Variants in NTM observed in about 807,000 individuals in gnomAD.
NTM encodes the protein IgLON family member 2.
In NTM, 13 loss-of-function variants were observed where a neutral mutation model predicts 42.1. The observed-to-expected ratio is 0.31, with a 90% CI of 0.20 to 0.49. The LOEUF (loss-of-function observed/expected upper bound fraction) is 0.49, where lower values mean the gene tolerates loss of function less well. Among genes scored for constraint, NTM ranks in the 20% least tolerant of loss-of-function variants. The probability of loss-of-function intolerance (pLI) is 0.99; values close to 1 mark genes in which losing one functional copy is unlikely to be tolerated. For synonymous variants in NTM, 187 were observed against 179.2 expected, an observed-to-expected ratio of 1.04 and a Z score of -0.35; for missense variants, 373 against 452.8, an observed-to-expected ratio of 0.82 and a Z score of 1.60.
intron 1 of NTM, among the ~76,000 whole-genome samples, chr11:131,518,167 A>C (rs2049132584): frequency 6.6e-6 from 1 of 152,222 alleles, no homozygotes; most frequent in African/African-American, 2.4e-5. Context: ...ACAGGCAGGC[A>C]TGATTCCTGT....
intron 3 of NTM, among the ~76,000 whole-genome samples, chr11:132,164,579 G>GCTGGGATT (rs2074961149): frequency 1.3e-5 from 2 of 152,216 alleles, no homozygotes; most frequent in Non-Finnish European, 2.9e-5. Flanking sequence ...GAACCTCGGT[G>GCTGGGATT]ACGATGGCTG....
At chr11:131,462,019 C>A (rs550812074) in intron 1 of NTM, among the ~76,000 whole-genome samples, 50 of 151,980 alleles carry the variant, frequency 3.3e-4, no homozygotes, top group African/African-American at 1.2e-3. Context: ...CTGGAAACAA[C>A]CCAAATGTCT....
At chr11:132,212,234 A>T (rs1169753796) in intron 4 of NTM, 87 bp downstream of exon 4, 1 of 1,048,732 alleles carries the variant, frequency 9.5e-7, no homozygotes, top group African/African-American at 1.6e-5. Context: ...GCTGATACCT[A>T]CTCCAGAGGA....
intron 1 of NTM, among the ~76,000 whole-genome samples, chr11:131,460,540 GCT>G (rs770044623): frequency 6.6e-6 from 1 of 152,160 alleles, no homozygotes; most frequent in South Asian, 2.1e-4. Flanking sequence ...CCAGGAGAGT[GCT>G]TTCTTTCTTT....
At chr11:131,510,590 T>C (rs1190766091) in intron 1 of NTM, among the ~76,000 whole-genome samples, 2 of 152,234 alleles carry the variant, frequency 1.3e-5, no homozygotes, top group African/African-American at 2.4e-5. Context: ...TTTTTAAAAA[T>C]TCTAAAAACC....
At chr11:131,642,682 A>C (rs992089471) in intron 1 of NTM, among the ~76,000 whole-genome samples, 1 of 152,240 alleles carries the variant, frequency 6.6e-6, no homozygotes, top group Non-Finnish European at 1.5e-5. Context: ...ACCTGGGGTC[A>C]TCCAAAAAGT....
intron 1 of NTM, among the ~76,000 whole-genome samples, chr11:131,783,404 C>T (rs4456263): frequency 0.49 from 74,935 of 151,910 alleles, 18,804 homozygotes; most frequent in African/African-American, 0.56. Flanking sequence ...GCTTCCCAAA[C>T]TATACATATG....
chr11:131,855,654 C>T lies in NTM; in HGVS notation c.83-55910C>T, dbSNP rs559573508. Among the ~76,000 whole-genome samples, 11 of 152,292 alleles carry T rather than the reference C, an allele frequency of 7.2e-5. No homozygotes were observed. In the South Asian group the frequency reaches 2.3e-3, roughly 32 times the overall value. ...CCTTCTGTTGCTCCTTAAATCAATGCCTTTTAACTTTCATCCTAACAATGT... is the reference window on the plus strand; with the variant it reads ...CCTTCTGTTGCTCCTTAAATCAATGTCTTTTAACTTTCATCCTAACAATGT... On this transcript the variant is annotated intron_variant, in intron 1 of 8. Transcript: ENST00000683400.
intron 1 of NTM, among the ~76,000 whole-genome samples, chr11:131,649,083 GT>G: frequency 6.6e-6 from 1 of 152,248 alleles, no homozygotes; most frequent in East Asian, 1.9e-4. Flanking sequence ...GGGAAGGTTG[GT>G]CACTCGAACA....
chr11:131,490,320 A>G (rs1954646444), intron 1 of NTM, among the ~76,000 whole-genome samples: 1 of 152,204 alleles, frequency 6.6e-6, no homozygotes, highest in South Asian at 2.1e-4. Context: ...CAAGTCTTAG[A>G]CTTTTGTCAT....
intron 1 of NTM, among the ~76,000 whole-genome samples, chr11:131,382,506 A>G (rs899492909): frequency 5.9e-5 from 9 of 152,150 alleles, no homozygotes; most frequent in Non-Finnish European, 1.0e-4. Context: ...GAAAAAAAAA[A>G]TCTCCATTTA....
At chr11:132,009,127 A>G (rs996283530) in intron 2 of NTM, among the ~76,000 whole-genome samples, 4 of 152,250 alleles carry the variant, frequency 2.6e-5, no homozygotes, top group South Asian at 2.1e-4. Flanking sequence ...CTCTGGCAGA[A>G]GTCTCCCTGT....
At chr11:131,977,855 C>A (rs549316883) in intron 2 of NTM, among the ~76,000 whole-genome samples, 87 of 152,284 alleles carry the variant, frequency 5.7e-4, no homozygotes, top group African/African-American at 2.0e-3. Context: ...TACAATGACT[C>A]TTTATGTGGC....
intron 3 of NTM, among the ~76,000 whole-genome samples, chr11:132,162,845 A>T (rs980228782): frequency 5.9e-5 from 9 of 151,720 alleles, no homozygotes; most frequent in African/African-American, 2.2e-4. Context: ...TTTGTGGAGC[A>T]TGTGTGAGTG....
intron 2 of NTM, among the ~76,000 whole-genome samples, chr11:132,052,063 A>G (rs1237157606): frequency 1.3e-5 from 2 of 152,208 alleles, no homozygotes; most frequent in African/African-American, 2.4e-5. Flanking sequence ...GGCAAAAAAA[A>G]TTGCAAACAG....
chr11:131,911,061 G>A (rs1254982538), intron 1 of NTM: 3 of 1,094,430 alleles, frequency 2.7e-6, no homozygotes, highest in Admixed American at 8.6e-5. Context: ...CCGCCTCTGG[G>A]TAGCTGGATG....
intron 1 of NTM, among the ~76,000 whole-genome samples, chr11:131,763,707 C>CTTTT (rs1443279848): frequency 9.9e-5 from 6 of 60,796 alleles, no homozygotes; most frequent in Admixed American, 2.3e-4. Flanking sequence ...CCATCTCTCT[C>CTTTT]TCTTTTTTTT....
intron 2 of NTM, among the ~76,000 whole-genome samples, chr11:132,018,226 T>G (rs1226913605): frequency 2.0e-5 from 3 of 151,792 alleles, no homozygotes; most frequent in East Asian, 3.9e-4. Flanking sequence ...CTTTCTTCCT[T>G]TTGTCCCATA....
intron 1 of NTM, among the ~76,000 whole-genome samples, chr11:131,874,399 CAAAA>C (rs200522565): frequency 1.3e-5 from 2 of 151,608 alleles, no homozygotes; most frequent in Admixed American, 1.3e-4. Flanking sequence ...TTTTTAAAAA[CAAAA>C]AAACCAAGCA....
Sources: gnomAD v4.1 joint callset for allele counts (sites outside exome capture counted in the v4.1 genomes callset) on GRCh38, gnomAD v4.1.1 for gene constraint, MANE v1.5 for transcripts, NCBI Gene and HGNC (gene_info 2026-07-23, HGNC 2026-07-21) for gene names.